Variants in GRID1 observed in about 807,000 individuals in gnomAD.
The protein encoded by GRID1 is glutamate receptor ionotropic, delta-1.
A neutral mutation model predicts 98.0 loss-of-function variants in GRID1; 28 were observed. The ratio of observed to expected loss-of-function variants is 0.29; its 90% CI spans 0.21 to 0.39. The LOEUF (loss-of-function observed/expected upper bound fraction) is 0.39. Ranked by LOEUF, GRID1 falls within the 10% of genes least tolerant of loss-of-function variation. The pLI is 1.00. For synonymous variants in GRID1, 553 were observed against 538.5 expected (o/e 1.03, Z -0.37); for missense variants, 1,111 against 1,340.5 (o/e 0.83, Z 2.67).
intron 4 of GRID1, among the ~76,000 whole-genome samples, chr10:86,082,067 A>G (rs549870981): frequency 2.2e-4 from 33 of 152,368 alleles, no homozygotes; most frequent in African/African-American, 7.2e-4. Context: ...TCAAGATATC[A>G]ATAATAGAGG....
intron 2 of GRID1, among the ~76,000 whole-genome samples, chr10:86,329,719 T>G (rs1589451161): frequency 6.6e-6 from 1 of 151,394 alleles, no homozygotes; most frequent in Non-Finnish European, 1.5e-5. Flanking sequence ...CTGCTGGGGG[T>G]CTCTGCTCAA....
chr10:86,347,253 G>A (rs1160004469), intron 2 of GRID1, among the ~76,000 whole-genome samples: 1 of 152,114 alleles, frequency 6.6e-6, no homozygotes. Context: ...CCCTTAACGT[G>A]ACAGGCCACA....
intron 3 of GRID1, among the ~76,000 whole-genome samples, chr10:86,172,409 T>G (rs767509575): frequency 6.6e-6 from 1 of 152,166 alleles, no homozygotes; most frequent in Non-Finnish European, 1.5e-5. Flanking sequence ...TACACCTACT[T>G]TATCATCATT....
At chr10:85,930,977 T>G (rs1483215305) in intron 4 of GRID1, among the ~76,000 whole-genome samples, 4 of 152,102 alleles carry the variant, frequency 2.6e-5, no homozygotes, top group Non-Finnish European at 5.9e-5. Flanking sequence ...GCAGCTGAGA[T>G]TACAGGTGTA....
intron 3 of GRID1, among the ~76,000 whole-genome samples, chr10:86,166,090 G>A (rs537996277): frequency 2.4e-4 from 36 of 152,214 alleles, no homozygotes; most frequent in African/African-American, 1.9e-4. Context: ...TGTTCTCAGC[G>A]GTTCTTTATA....
intron 4 of GRID1, among the ~76,000 whole-genome samples, chr10:86,089,614 A>G (rs920909727): frequency 1.3e-5 from 2 of 152,238 alleles, no homozygotes; most frequent in Non-Finnish European, 1.5e-5. Flanking sequence ...ATCATAAAGA[A>G]CAATCTGACA....
chr10:85,764,616 A>T (rs56060650), intron 8 of GRID1, among the ~76,000 whole-genome samples: 45 of 152,312 alleles, frequency 3.0e-4, no homozygotes, highest in Non-Finnish European at 4.9e-4. Flanking sequence ...AGTTATCCGA[A>T]AGCCTCACAA....
chr10:86,342,565 A>G (rs957420497), intron 2 of GRID1, among the ~76,000 whole-genome samples: 4 of 152,192 alleles, frequency 2.6e-5, no homozygotes, highest in African/African-American at 9.7e-5. Flanking sequence ...GGGGACTGAG[A>G]CCCACGGGCT....
At chr10:86,136,656 G>C (rs914294114) in intron 4 of GRID1, among the ~76,000 whole-genome samples, 2 of 152,204 alleles carry the variant, frequency 1.3e-5, no homozygotes, top group African/African-American at 2.4e-5. Context: ...AATGACAGGC[G>C]CATGAGAACA....
intron 2 of GRID1, among the ~76,000 whole-genome samples, chr10:86,293,702 G>C (rs1457895803): frequency 6.6e-6 from 1 of 152,136 alleles, no homozygotes; most frequent in African/African-American, 2.4e-5. Context: ...CAGAGACACA[G>C]ACTCAAACGA....
chr10:86,130,044 C>T (rs1479736101), intron 4 of GRID1, among the ~76,000 whole-genome samples: 1 of 152,262 alleles, frequency 6.6e-6, no homozygotes, highest in African/African-American at 2.4e-5. Context: ...GCAGGCTCAT[C>T]ACCCCAGCTT....
chr10:86,152,531 G>A (rs1845183696), intron 3 of GRID1, among the ~76,000 whole-genome samples: 1 of 152,256 alleles, frequency 6.6e-6, no homozygotes, highest in Non-Finnish European at 1.5e-5. Context: ...CTAGCTCTCA[G>A]GGAGGCCACT....
At chr10:85,617,483 C>T (rs1435994257) in intron 14 of GRID1, among the ~76,000 whole-genome samples, 1 of 152,144 alleles carries the variant, frequency 6.6e-6, no homozygotes, top group Non-Finnish European at 1.5e-5. Context: ...ATCTGCCCGC[C>T]TCAGCCTCCC....
intron 2 of GRID1, among the ~76,000 whole-genome samples, chr10:86,261,307 G>A (rs1010953129): frequency 2.0e-5 from 3 of 152,228 alleles, no homozygotes; most frequent in African/African-American, 7.2e-5. Context: ...GGAGAAAAAG[G>A]GCCCCCAGGA....
chr10:86,312,693 G>C (rs765735497), intron 2 of GRID1, among the ~76,000 whole-genome samples: 3 of 152,252 alleles, frequency 2.0e-5, no homozygotes, highest in Non-Finnish European at 4.4e-5. Context: ...TGACTTGGGA[G>C]ACTGAGCCTT....
intron 4 of GRID1, among the ~76,000 whole-genome samples, chr10:85,986,062 G>A (rs1842604830): frequency 6.6e-6 from 1 of 152,228 alleles, no homozygotes; most frequent in African/African-American, 2.4e-5. Context: ...TGCATTCAAG[G>A]TGCTCAATAA....
At chr10:86,303,249 T>G (rs1333594012) in intron 2 of GRID1, among the ~76,000 whole-genome samples, 1 of 152,260 alleles carries the variant, frequency 6.6e-6, no homozygotes, top group Non-Finnish European at 1.5e-5. Context: ...AGCAGATATA[T>G]GACAAATGTT....
chr10:86,104,001 C>T (rs1844341345), intron 4 of GRID1, among the ~76,000 whole-genome samples: 1 of 152,202 alleles, frequency 6.6e-6, no homozygotes, highest in African/African-American at 2.4e-5. Context: ...ATAAGCATGG[C>T]TCTCTGATGT....
intron 4 of GRID1, among the ~76,000 whole-genome samples, chr10:85,921,379 G>A (rs949717197): frequency 1.1e-4 from 16 of 152,192 alleles, no homozygotes; most frequent in Admixed American, 5.2e-4. Flanking sequence ...GTGTCTCCCT[G>A]CTCGAGAGCA....
Sources: gnomAD v4.1 joint callset for allele counts (sites outside exome capture counted in the v4.1 genomes callset) on GRCh38, gnomAD v4.1.1 for gene constraint, MANE v1.5 for transcripts, NCBI Gene and HGNC (gene_info 2026-07-23, HGNC 2026-07-21) for gene names.